XYLT1: variants seen among roughly 807,000 people sequenced by gnomAD.
XYLT1 encodes beta-D-xylosyltransferase 1.
A neutral mutation model predicts 91.3 loss-of-function variants in XYLT1; 36 were observed. The observed-to-expected ratio is 0.39, with a 90% CI of 0.30 to 0.52. The LOEUF (loss-of-function observed/expected upper bound fraction) is 0.52. Ranked by LOEUF, XYLT1 falls within the 20% of genes least tolerant of loss-of-function variation. The probability of loss-of-function intolerance (pLI) is 0.68; values close to 1 mark genes in which losing one functional copy is unlikely to be tolerated. For synonymous variants in XYLT1, 588 were observed against 532.0 expected, an observed-to-expected ratio of 1.11 and a Z score of -1.45; for missense variants, 1,242 against 1,284.5, an observed-to-expected ratio of 0.97 and a Z score of 0.51.
intron 1 of XYLT1, among the ~76,000 whole-genome samples, chr16:17,401,075 C>T (rs1237461956): frequency 1.3e-5 from 2 of 152,074 alleles, no homozygotes; most frequent in African/African-American, 4.8e-5. Flanking sequence ...CAAAATGCAA[C>T]TCTCCCTGGA....
chr16:17,185,641 C>CTCT (rs2032167471), intron 5 of XYLT1, among the ~76,000 whole-genome samples: 1 of 151,654 alleles, frequency 6.6e-6, no homozygotes, highest in Non-Finnish European at 1.5e-5. Context: ...TCTCTCTCTC[C>CTCT]CTGGACCAGT....
At chr16:17,164,507 A>C (rs1251967745) in intron 5 of XYLT1, among the ~76,000 whole-genome samples, 1 of 152,096 alleles carries the variant, frequency 6.6e-6, no homozygotes, top group Admixed American at 6.6e-5. Context: ...GACACTCTCT[A>C]CCTGTTAAAT....
chr16:17,379,763 T>TCACACACACACACACA (rs71137987), intron 1 of XYLT1, among the ~76,000 whole-genome samples: 94 of 125,610 alleles, frequency 7.5e-4, no homozygotes, highest in African/African-American at 2.7e-3. Flanking sequence ...TCTCTCTCTC[T>TCACACACACACACACA]CACACACACA....
At chr16:17,373,181 T>A (rs1179902575) in intron 1 of XYLT1, among the ~76,000 whole-genome samples, 1 of 152,200 alleles carries the variant, frequency 6.6e-6, no homozygotes, top group Non-Finnish European at 1.5e-5. Context: ...AGAAGCAGAA[T>A]GCTCTCTGAA....
intron 1 of XYLT1, among the ~76,000 whole-genome samples, chr16:17,467,981 C>G (rs1462917405): frequency 6.6e-6 from 1 of 152,182 alleles, no homozygotes; most frequent in Non-Finnish European, 1.5e-5. Context: ...CCTGAATCTC[C>G]CTCCAAAGCA....
At chr16:17,226,713 G>A (rs1227899234) in intron 3 of XYLT1, among the ~76,000 whole-genome samples, 10 of 151,438 alleles carry the variant, frequency 6.6e-5, no homozygotes, top group African/African-American at 1.9e-4. Context: ...AGCCCAGGAG[G>A]CAGAGATTGC....
intron 5 of XYLT1, among the ~76,000 whole-genome samples, chr16:17,184,325 G>A (rs992954430): frequency 2.6e-5 from 4 of 151,974 alleles, no homozygotes; most frequent in African/African-American, 9.7e-5. Context: ...ATCTGGAGAG[G>A]GAGGGATTCG....
Position 17,416,842 on chromosome 16 carries a change from G to A in XYLT1, c.363+53592C>T, listed in dbSNP as rs115257531. ...CATGTGCATTAACTATCGGAGATGT[G>A]GGGGAGAGGAGGAAGCCATGCAAAT... is the stretch of plus-strand genomic sequence containing the variant. On this transcript the variant is annotated intron_variant, in intron 1 of 11. Transcript: ENST00000261381. 2.8e-3 allele frequency among the ~76,000 whole-genome samples: 430 copies of A among 152,292 alleles called. 4 individuals carry two copies. The highest frequency in any genetic ancestry group is 9.8e-3 in the African/African-American group (408 of 41,562).
At chr16:17,152,134 A>G (rs1406703178) in intron 6 of XYLT1, among the ~76,000 whole-genome samples, 2 of 152,248 alleles carry the variant, frequency 1.3e-5, no homozygotes, top group African/African-American at 4.8e-5. Context: ...AAAAAAATGC[A>G]AAGAAGAAAA....
chr16:17,136,725 G>A (rs1008869365), intron 8 of XYLT1, among the ~76,000 whole-genome samples: 4 of 152,066 alleles, frequency 2.6e-5, no homozygotes, highest in East Asian at 1.9e-4. Context: ...AGTTCTTCGC[G>A]CAAGAACTCT....
At chr16:17,271,613 T>C (rs944522070) in intron 2 of XYLT1, among the ~76,000 whole-genome samples, 12 of 152,196 alleles carry the variant, frequency 7.9e-5, no homozygotes, top group Non-Finnish European at 1.5e-4. Context: ...AGGGGCTATC[T>C]TGTACATTGC....
intron 1 of XYLT1, among the ~76,000 whole-genome samples, chr16:17,457,924 A>G (rs2036766060): frequency 6.6e-6 from 1 of 152,220 alleles, no homozygotes; most frequent in Non-Finnish European, 1.5e-5. Flanking sequence ...CAAAAGGAAA[A>G]AAGAAGAAGA....
At chr16:17,408,621 G>A (rs541545358) in intron 1 of XYLT1, among the ~76,000 whole-genome samples, 8 of 152,296 alleles carry the variant, frequency 5.3e-5, no homozygotes, top group South Asian at 4.1e-4. Context: ...CAGGGCCGGC[G>A]GATCACCTGA....
intron 1 of XYLT1, among the ~76,000 whole-genome samples, chr16:17,422,131 C>A (rs1302879878): frequency 6.6e-6 from 1 of 151,918 alleles, no homozygotes; most frequent in Non-Finnish European, 1.5e-5. Flanking sequence ...TACAGATGCC[C>A]ACCACCACAC....
intron 1 of XYLT1, among the ~76,000 whole-genome samples, chr16:17,379,755 T>TCACACACACACA (rs1164558348): frequency 2.8e-4 from 36 of 130,412 alleles, no homozygotes; most frequent in African/African-American, 3.9e-4. Context: ...TCTCTCTCTC[T>TCACACACACACA]CTCTCTCTCA....
intron 3 of XYLT1, among the ~76,000 whole-genome samples, chr16:17,257,714 C>A (rs549960144): frequency 1.3e-5 from 2 of 152,116 alleles, no homozygotes; most frequent in Non-Finnish European, 2.9e-5. Flanking sequence ...CTTGTAAGAT[C>A]ACTTAAAGGC....
In XYLT1 at chr16:17,103,290, C is replaced by G. The variant is rs1966731179; in HGVS notation, c.*5405G>C. 6.6e-6 allele frequency: 1 copy of G among 152,664 alleles called. No individual in the cohort carries two copies. The highest frequency in any genetic ancestry group is 1.5e-5 in the Non-Finnish European group (1 of 68,058). The allele number at this position is 152,664 out of a possible 1,614,324, so 9.5% of individuals were successfully genotyped here. ...TTCAAGCACTCTGCCGATAATTAAG[C>G]CAGCCCATTACAGCAGCAGTATGCT... On this transcript the variant is annotated 3_prime_UTR_variant, in exon 12 of 12. Coordinates refer to ENST00000261381, the MANE Select transcript of XYLT1 (RefSeq NM_022166.4).
intron 3 of XYLT1, among the ~76,000 whole-genome samples, chr16:17,228,323 C>T (rs911565870): frequency 6.6e-6 from 1 of 152,226 alleles, no homozygotes; most frequent in Non-Finnish European, 1.5e-5. Flanking sequence ...ATAGTCAACA[C>T]AGCATTCATA....
intron 3 of XYLT1, among the ~76,000 whole-genome samples, chr16:17,225,984 AT>A (rs1413002991): frequency 1.3e-5 from 2 of 152,182 alleles, no homozygotes; most frequent in Non-Finnish European, 2.9e-5. Flanking sequence ...ATAAAAAAAA[AT>A]CTGCATGTAT....
Sources: gnomAD v4.1 joint callset for allele counts (sites outside exome capture counted in the v4.1 genomes callset) on GRCh38, gnomAD v4.1.1 for gene constraint, MANE v1.5 for transcripts, NCBI Gene and HGNC (gene_info 2026-07-23, HGNC 2026-07-21) for gene names.